SULF2: variants seen among roughly 807,000 people sequenced by gnomAD.
The protein encoded by SULF2 is sulfatase 2.
In SULF2, 52 loss-of-function variants were observed where a neutral mutation model predicts 107.7. The ratio of observed to expected loss-of-function variants is 0.48; its 90% CI spans 0.39 to 0.61. The LOEUF is 0.61. SULF2 is among the 20% of genes least tolerant of loss of function. The pLI is 0.00. For synonymous variants in SULF2, 460 were observed against 464.3 expected, an observed-to-expected ratio of 0.99 and a Z score of 0.12; for missense variants, 993 against 1,177.3, an observed-to-expected ratio of 0.84 and a Z score of 2.29.
intron 3 of SULF2, among the ~76,000 whole-genome samples, chr20:47,723,335 G>T (rs1211149389): frequency 3.3e-5 from 5 of 152,178 alleles, no homozygotes; most frequent in Admixed American, 3.3e-4. Flanking sequence ...GGGTGTCATG[G>T]TCGAGAATGA....
chr20:47,745,410 AATATATATATATAT>A (rs1555853022), intron 2 of SULF2, among the ~76,000 whole-genome samples: 16 of 16,648 alleles, frequency 9.6e-4, no homozygotes, highest in East Asian at 5.0e-3. Flanking sequence ...AAAAAAAAAA[AATATATATATATAT>A]ATATATATAT....
chr20:47,785,625 C>T (rs1329597112), upstream of SULF2: 3 of 147,098 alleles, frequency 2.0e-5, no homozygotes, highest in African/African-American at 7.4e-5. Flanking sequence ...CTTAAATCGC[C>T]CCAGCCCGGC....
intron 3 of SULF2, among the ~76,000 whole-genome samples, chr20:47,725,075 G>A (rs1258273861): frequency 2.0e-5 from 3 of 152,182 alleles, no homozygotes; most frequent in African/African-American, 4.8e-5. Flanking sequence ...CAGTAGTCAG[G>A]CAGACGCCTG....
intron 3 of SULF2, among the ~76,000 whole-genome samples, chr20:47,705,262 G>C (rs550339908): frequency 6.6e-6 from 1 of 152,152 alleles, no homozygotes. Context: ...GGTAAGGTCC[G>C]GGATGGAACC....
At chr20:47,689,881 C>T (rs148017880) in intron 5 of SULF2, 3 of 373,798 alleles carry the variant, frequency 8.0e-6, no homozygotes, top group African/African-American at 6.2e-5. Context: ...TCCATCCACA[C>T]ACCTCTTGGT....
rs2088323134 is a variant in SULF2 at position 47,694,910 on chromosome 20, A to G, written c.568-4615T>C. Among the ~76,000 whole-genome samples, 1 of 152,146 alleles carries G rather than the reference A, an allele frequency of 6.6e-6. No individual in the cohort carries two copies. Among genetic ancestry groups the G allele is most frequent in the African/African-American group, 2.4e-5 (1 of 41,436 alleles). Reference sequence around the variant, plus strand: ...ACTTTGACAAGTGGACATTATACCCATTTTACAGATAAGGAAGTGAGGTCC... The same window carrying G: ...ACTTTGACAAGTGGACATTATACCCGTTTTACAGATAAGGAAGTGAGGTCC... On this transcript the variant is annotated intron_variant, in intron 4 of 20. Transcript: ENST00000688720. This position sits in a 1 kb window ranked among gnomAD's most constrained non-coding sequence, Gnocchi z 4.4.
In SULF2 at chr20:47,757,337, G is replaced by A. The variant is rs1205765780; in HGVS notation, c.27C>T (p.Cys9=). The A allele has an allele frequency of 1.9e-6, 3 of 1,602,430 alleles. No individual in the cohort carries two copies. The highest frequency in any genetic ancestry group is 2.6e-6 in the Non-Finnish European group (3 of 1,174,058). ...GGGAGAACACAGTTGCGGACAGCAA[G>A]CACAGCACGAGGCTCGGGGGGCCCA... MGPPSLVL[C]LLSATVFSLL... The change falls in exon 2 of 21, where the codon TGC becomes TGT. Residue 9 remains cysteine (C), a synonymous_variant. Transcript: ENST00000688720.
intron 3 of SULF2, among the ~76,000 whole-genome samples, chr20:47,721,166 CA>C (rs2089286942): frequency 6.6e-6 from 1 of 151,714 alleles, no homozygotes. Flanking sequence ...ATACCAAATG[CA>C]AATCACTGCA....
At chr20:47,728,140 C>T (rs1443524451) in intron 3 of SULF2, among the ~76,000 whole-genome samples, 1 of 152,156 alleles carries the variant, frequency 6.6e-6, no homozygotes, top group African/African-American at 2.4e-5. Flanking sequence ...TCTGCTGTCC[C>T]CCCACAGGCC....
At chr20:47,762,506 C>T (rs1244598567) in intron 1 of SULF2, among the ~76,000 whole-genome samples, 2 of 152,218 alleles carry the variant, frequency 1.3e-5, no homozygotes, top group Non-Finnish European at 2.9e-5. Context: ...ATCACTTTCC[C>T]CCGATCATAT....
At chr20:47,695,976 C>G (rs993746608) in intron 4 of SULF2, among the ~76,000 whole-genome samples, 1 of 152,120 alleles carries the variant, frequency 6.6e-6, no homozygotes, top group African/African-American at 2.4e-5. Context: ...AAATGCTCTT[C>G]TTTTGATTGT....
Position 47,657,581 on chromosome 20 carries a change from A to T in SULF2, c.*781T>A, listed in dbSNP as rs2086936087. Reference sequence around the variant, plus strand: ...TTCATTTCTTTTCAGTACCTTAAAAAAAAAACATCAGTTCTGGGACATAAC... The same window carrying T: ...TTCATTTCTTTTCAGTACCTTAAAATAAAAACATCAGTTCTGGGACATAAC... On this transcript the variant is annotated 3_prime_UTR_variant, in exon 21 of 21. Coordinates refer to ENST00000688720, the MANE Select transcript of SULF2 (RefSeq NM_001387048.1). The T allele has an allele frequency of 6.6e-6, 1 of 152,250 alleles. No homozygotes were observed. Among genetic ancestry groups the T allele is most frequent in the South Asian group, 2.1e-4 (1 of 4,832 alleles). 9.4% of individuals were successfully genotyped at this position (152,250 alleles called of 1,614,324 possible).
At chr20:47,762,868 C>T (rs1046366385) in intron 1 of SULF2, among the ~76,000 whole-genome samples, 6 of 152,336 alleles carry the variant, frequency 3.9e-5, no homozygotes, top group South Asian at 2.1e-4. Flanking sequence ...GTCAAAGCTC[C>T]GGCACCAGAA....
chr20:47,755,124 C>T (rs1254804187), intron 2 of SULF2, among the ~76,000 whole-genome samples: 5 of 152,242 alleles, frequency 3.3e-5, no homozygotes, highest in African/African-American at 1.2e-4. Flanking sequence ...AGCCACTGCA[C>T]CCAGCTCAAA....
intron 8 of SULF2, 68 bp from the exon 9 acceptor site, chr20:47,677,202 G>A: frequency 6.4e-7 from 1 of 1,562,124 alleles, no homozygotes; most frequent in South Asian, 1.1e-5. Context: ...GTTCCCCCAG[G>A]AGCAGGGACG....
chr20:47,721,561 G>T (rs1230454727), intron 3 of SULF2, among the ~76,000 whole-genome samples: 1 of 152,096 alleles, frequency 6.6e-6, no homozygotes, highest in African/African-American at 2.4e-5. Context: ...GTAGAGACGG[G>T]GTTTCACCAC....
At chr20:47,737,001 A>AG in intron 2 of SULF2, 59 bp from the exon 3 acceptor site, 2 of 1,605,864 alleles carry the variant, frequency 1.2e-6, no homozygotes, top group Non-Finnish European at 1.7e-6. Flanking sequence ...CACCGGCACC[A>AG]GGGGGCTCTC....
At chr20:47,713,933 C>G (rs1019030319) in intron 3 of SULF2, among the ~76,000 whole-genome samples, 1 of 152,070 alleles carries the variant, frequency 6.6e-6, no homozygotes, top group African/African-American at 2.4e-5. Context: ...CCCTCCGAGA[C>G]TCCAGTAATG....
chr20:47,677,294 C>T (rs1199871601), intron 8 of SULF2, among the ~76,000 whole-genome samples, 160 bp from the exon 9 acceptor site: 1 of 152,094 alleles, frequency 6.6e-6, no homozygotes, highest in Non-Finnish European at 1.5e-5. Context: ...AGAGCATTGC[C>T]CACCCTCCTC....
Sources: allele counts gnomAD v4.1 joint callset (sites outside exome capture counted in the v4.1 genomes callset), GRCh38; gene constraint gnomAD v4.1.1; non-coding constraint Gnocchi (gnomAD v3.1); transcripts MANE v1.5; gene names NCBI Gene and HGNC (gene_info 2026-07-23, HGNC 2026-07-21).